The following CHN1 variants were observed in gnomAD, a reference collection of about 807,000 sequenced individuals.
CHN1 encodes the protein N-chimaerin.
A neutral mutation model predicts 59.5 loss-of-function variants in CHN1; 37 were observed. The ratio of observed to expected loss-of-function variants is 0.62; its 90% CI spans 0.48 to 0.82. The LOEUF (loss-of-function observed/expected upper bound fraction) is 0.82. CHN1 is among the 40% of genes least tolerant of loss of function. The probability of loss-of-function intolerance (pLI) is 0.00; values close to 1 mark genes in which losing one functional copy is unlikely to be tolerated. For synonymous variants in CHN1, 206 were observed against 200.4 expected, an observed-to-expected ratio of 1.03 and a Z score of -0.24; for missense variants, 469 against 571.0, an observed-to-expected ratio of 0.82 and a Z score of 1.82.
intron 6 of CHN1, among the ~76,000 whole-genome samples, chr2:174,876,859 C>T (rs997618728): frequency 3.9e-5 from 6 of 152,170 alleles, no homozygotes; most frequent in Non-Finnish European, 8.8e-5. Context: ...TCACTCACTC[C>T]TCACAGCAAT....
At chr2:174,877,752 T>G in intron 6 of CHN1, 88 bp downstream of exon 6, 1 of 1,204,460 alleles carries the variant, frequency 8.3e-7, no homozygotes, top group Non-Finnish European at 1.2e-6. Context: ...CAAAGCACTG[T>G]GGATAAATCA....
At chr2:174,915,367 A>G (rs1688816745) in intron 4 of CHN1, 196 bp from the exon 5 acceptor site, 3 of 575,692 alleles carry the variant, frequency 5.2e-6, no homozygotes, top group Admixed American at 2.9e-5. Flanking sequence ...CTCTGTGGTG[A>G]TAAGAACAGC....
intron 8 of CHN1, among the ~76,000 whole-genome samples, chr2:174,813,059 G>A (rs1357229625): frequency 1.3e-5 from 2 of 152,108 alleles, no homozygotes; most frequent in Non-Finnish European, 2.9e-5. Context: ...CATTTATTGA[G>A]GGCTTACTAG....
chr2:174,930,925 C>T (rs974306679), intron 3 of CHN1, among the ~76,000 whole-genome samples: 1 of 152,076 alleles, frequency 6.6e-6, no homozygotes, highest in Non-Finnish European at 1.5e-5. Flanking sequence ...ACCACCTACG[C>T]CAGGCTAATT....
At chr2:174,990,068 G>A (rs1037460270) in intron 1 of CHN1, among the ~76,000 whole-genome samples, 3 of 152,116 alleles carry the variant, frequency 2.0e-5, no homozygotes, top group African/African-American at 7.2e-5. Context: ...GGTAAAAGAA[G>A]AAGTTTTGAT....
At chr2:174,990,045 A>T (rs1035966156) in intron 1 of CHN1, among the ~76,000 whole-genome samples, 2 of 152,190 alleles carry the variant, frequency 1.3e-5, no homozygotes, top group African/African-American at 4.8e-5. Context: ...ATCAATTATT[A>T]TACTTGAATA....
At chr2:174,879,914 C>T (rs1252270241) in intron 5 of CHN1, among the ~76,000 whole-genome samples, 1 of 152,090 alleles carries the variant, frequency 6.6e-6, no homozygotes, top group Non-Finnish European at 1.5e-5. Context: ...ATGGGGGGCA[C>T]AGGGCATGAA....
At chr2:174,807,933 C>T (rs975840185) in intron 11 of CHN1, among the ~76,000 whole-genome samples, 3 of 152,104 alleles carry the variant, frequency 2.0e-5, no homozygotes, top group African/African-American at 7.2e-5. Flanking sequence ...ACAGAAATAG[C>T]CTATCTTTTC....
intron 1 of CHN1, among the ~76,000 whole-genome samples, chr2:174,957,331 G>A (rs1006015619): frequency 1.3e-5 from 2 of 151,778 alleles, no homozygotes; most frequent in Non-Finnish European, 2.9e-5. Context: ...GAAACAAGGC[G>A]GAGAACTGCC....
chr2:174,844,353 G>C (rs1379984089), intron 7 of CHN1, among the ~76,000 whole-genome samples: 3 of 152,148 alleles, frequency 2.0e-5, no homozygotes, highest in African/African-American at 7.2e-5. Context: ...CTCAGTGAGT[G>C]CTTTCACCAA....
chr2:174,857,262 C>T (rs984228164), intron 6 of CHN1, among the ~76,000 whole-genome samples: 1 of 152,106 alleles, frequency 6.6e-6, no homozygotes, highest in Non-Finnish European at 1.5e-5. Flanking sequence ...GCGTCCATTT[C>T]GTGGGTCTCC....
intron 5 of CHN1, among the ~76,000 whole-genome samples, chr2:174,902,846 A>AT (rs1688432564): frequency 6.6e-6 from 1 of 152,198 alleles, no homozygotes; most frequent in African/African-American, 2.4e-5. Context: ...AGTATCTACT[A>AT]TGATTCTCTG....
chr2:174,806,653 A>T (rs1165465975), intron 11 of CHN1, among the ~76,000 whole-genome samples: 1 of 152,174 alleles, frequency 6.6e-6, no homozygotes, highest in Non-Finnish European at 1.5e-5. Flanking sequence ...GATCTTACAC[A>T]ATTTACTGAT....
intron 1 of CHN1, among the ~76,000 whole-genome samples, chr2:174,994,723 CATG>C (rs2105467176): frequency 6.6e-6 from 1 of 152,208 alleles, no homozygotes; most frequent in South Asian, 2.1e-4. Context: ...GGGATAGGGA[CATG>C]ATGGTGCCAA....
intron 1 of CHN1, among the ~76,000 whole-genome samples, chr2:174,985,257 A>T (rs999543159): frequency 2.0e-5 from 3 of 152,196 alleles, no homozygotes; most frequent in Non-Finnish European, 4.4e-5. Context: ...CAACCTCAAC[A>T]TAATTTCAAC....
chr2:174,883,598 G>C (rs1687802314), intron 5 of CHN1, among the ~76,000 whole-genome samples: 1 of 152,082 alleles, frequency 6.6e-6, no homozygotes, highest in Non-Finnish European at 1.5e-5. Context: ...AATATGAGCA[G>C]TCAGCCAAGG....
chr2:174,936,384 T>G (rs2105394239), intron 3 of CHN1, among the ~76,000 whole-genome samples: 1 of 152,334 alleles, frequency 6.6e-6, no homozygotes, highest in East Asian at 1.9e-4. Flanking sequence ...ACAAAAGATA[T>G]GGAGCTTCTC....
At chr2:174,981,739 T>C (rs1691155159) in intron 1 of CHN1, among the ~76,000 whole-genome samples, 1 of 152,220 alleles carries the variant, frequency 6.6e-6, no homozygotes, top group South Asian at 2.1e-4. Context: ...CCTGATGATA[T>C]GAAATACTCT....
chr2:175,002,664 A>G (rs1265946748), intron 1 of CHN1, among the ~76,000 whole-genome samples: 1 of 152,188 alleles, frequency 6.6e-6, no homozygotes, highest in African/African-American at 2.4e-5. Context: ...ATCAACCAAG[A>G]TACAAAAGAT....
Sources: allele counts gnomAD v4.1 joint callset (sites outside exome capture counted in the v4.1 genomes callset), GRCh38; gene constraint gnomAD v4.1.1; transcripts MANE v1.5; gene names NCBI Gene and HGNC (gene_info 2026-07-23, HGNC 2026-07-21).